The following SORCS2 variants were observed in gnomAD, a reference collection of about 807,000 sequenced individuals.
SORCS2 encodes the protein sortilin related VPS10 domain containing receptor 2.
In SORCS2, 100 loss-of-function variants were observed where a neutral mutation model predicts 141.6. The ratio of observed to expected loss-of-function variants is 0.71; its 90% CI spans 0.60 to 0.83. SORCS2 has a LOEUF of 0.83. Ranked by LOEUF, SORCS2 falls within the 40% of genes least tolerant of loss-of-function variation. The pLI is 0.00. For missense variants in SORCS2, 1,646 were observed against 1,560.2 expected (o/e 1.05, Z -0.93); for synonymous variants, 789 against 676.9 (o/e 1.17, Z -2.57).
At chr4:7,266,274 C>T (rs1714722686) in intron 1 of SORCS2, among the ~76,000 whole-genome samples, 2 of 152,308 alleles carry the variant, frequency 1.3e-5, no homozygotes, top group South Asian at 4.1e-4. Flanking sequence ...TTCAGAGTCC[C>T]TCCGTGGAAG....
At chr4:7,424,404 C>T (rs574328972) in intron 2 of SORCS2, among the ~76,000 whole-genome samples, 20 of 152,348 alleles carry the variant, frequency 1.3e-4, no homozygotes, top group African/African-American at 3.6e-4. Flanking sequence ...GGAAACATCC[C>T]GTTGTCCCTC....
chr4:7,323,062 T>G (rs1303340517), intron 1 of SORCS2, among the ~76,000 whole-genome samples: 1 of 152,254 alleles, frequency 6.6e-6, no homozygotes, highest in African/African-American at 2.4e-5. Flanking sequence ...CTTTATGAAC[T>G]GTGCATTATT....
chr4:7,568,455 T>C (rs540809122), intron 3 of SORCS2, among the ~76,000 whole-genome samples: 1 of 152,342 alleles, frequency 6.6e-6, no homozygotes, highest in South Asian at 2.1e-4. Context: ...GGCTGTGCAC[T>C]TGCGATGTGC....
chr4:7,520,174 C>T (rs1733234835), intron 2 of SORCS2, among the ~76,000 whole-genome samples: 2 of 152,220 alleles, frequency 1.3e-5, no homozygotes, highest in South Asian at 2.1e-4. Context: ...GCAGAAGTTC[C>T]CCGCCCAGCC....
chr4:7,393,123 T>A (rs1432380258), intron 1 of SORCS2, among the ~76,000 whole-genome samples: 4 of 152,142 alleles, frequency 2.6e-5, no homozygotes, highest in Non-Finnish European at 4.4e-5. Context: ...TTTGAAGTGA[T>A]GAGTGGCAGC....
rs1217172451 is a variant in SORCS2, at chr4:7,193,183, G to A, written c.480+57G>A. The A allele has an allele frequency of 9.2e-6, 13 of 1,415,148 alleles. No homozygotes were observed. The highest frequency in any genetic ancestry group is 1.9e-4 in the Middle Eastern group (1 of 5,248). 87.7% of individuals were successfully genotyped at this position (1,415,148 alleles called of 1,614,324 possible). ...CTACCCGGGACACCGCGGGACACCC[G>A]GGCGGGACCGCCACGGCCCCCACCC... On this transcript the variant is annotated intron_variant, in intron 1 of 26. Coordinates refer to ENST00000507866, the MANE Select transcript of SORCS2 (RefSeq NM_020777.3). This position sits in a 1 kb window ranked among gnomAD's most constrained non-coding sequence, Gnocchi z 4.8.
intron 1 of SORCS2, among the ~76,000 whole-genome samples, chr4:7,273,790 A>T (rs1336411590): frequency 6.6e-6 from 1 of 152,158 alleles, no homozygotes; most frequent in Non-Finnish European, 1.5e-5. Context: ...GTGGCGTTGA[A>T]CCTCAGTGTG....
At chr4:7,312,723 G>A (rs532735580) in intron 1 of SORCS2, among the ~76,000 whole-genome samples, 27 of 152,242 alleles carry the variant, frequency 1.8e-4, no homozygotes, top group African/African-American at 5.8e-4. Context: ...CAGAGTGCCC[G>A]GGGACAAGAC....
intron 1 of SORCS2, among the ~76,000 whole-genome samples, chr4:7,205,312 C>T (rs1727672849): frequency 6.6e-6 from 1 of 152,188 alleles, no homozygotes; most frequent in African/African-American, 2.4e-5. Context: ...GACTCCTGCC[C>T]ATCCCAATCC....
chr4:7,433,266 C>A, intron 2 of SORCS2: 1 of 1,335,852 alleles, frequency 7.5e-7, no homozygotes, highest in Non-Finnish European at 9.6e-7. Context: ...GGGAAAGCAC[C>A]CACCTCATGG....
At chr4:7,421,331 C>G (rs1236000818) in intron 2 of SORCS2, among the ~76,000 whole-genome samples, 1 of 152,224 alleles carries the variant, frequency 6.6e-6, no homozygotes, top group Non-Finnish European at 1.5e-5. Context: ...GCTAAGAACG[C>G]AGGCTTGTGG....
At chr4:7,737,982 C>T (rs931856722) in intron 26 of SORCS2, among the ~76,000 whole-genome samples, 24 of 152,242 alleles carry the variant, frequency 1.6e-4, no homozygotes, top group Admixed American at 5.2e-4. Context: ...CCCAGCATGG[C>T]GGCTGACTTC....
intron 18 of SORCS2, 22 bp downstream of exon 18, chr4:7,718,205 G>C: frequency 6.2e-7 from 1 of 1,603,836 alleles, no homozygotes; most frequent in East Asian, 2.2e-5. Flanking sequence ...CCTCCCAGCA[G>C]GCTCCTGGGA....
chr4:7,398,346 T>G (rs1724355635), intron 2 of SORCS2, among the ~76,000 whole-genome samples: 1 of 152,224 alleles, frequency 6.6e-6, no homozygotes, highest in African/African-American at 2.4e-5. Context: ...TCTCCATGTC[T>G]GTTAAATGGG....
intron 4 of SORCS2, among the ~76,000 whole-genome samples, chr4:7,646,517 A>C (rs1271735871): frequency 6.6e-6 from 1 of 152,156 alleles, no homozygotes; most frequent in African/African-American, 2.4e-5. Flanking sequence ...GTGGTGGTGC[A>C]CACTGATACT....
chr4:7,233,422 C>T lies in SORCS2; in HGVS notation c.480+40296C>T, dbSNP rs943310885. Among the ~76,000 whole-genome samples, 2 of 152,190 alleles carry T rather than the reference C, an allele frequency of 1.3e-5. No homozygotes were observed. Among genetic ancestry groups the T allele is most frequent in the Admixed American group, 6.5e-5 (1 of 15,288 alleles). ...GTCCTCCACAGCCTCCACAGCAGCC[C>T]GCAGGTTGCCATCCTGTTTCCATCC... On this transcript the variant is annotated intron_variant, in intron 1 of 26. Transcript: ENST00000507866. This position sits in a 1 kb window ranked among gnomAD's most constrained non-coding sequence, Gnocchi z 4.5.
intron 4 of SORCS2, among the ~76,000 whole-genome samples, chr4:7,650,970 A>G (rs937155009): frequency 2.0e-5 from 3 of 152,190 alleles, no homozygotes; most frequent in African/African-American, 7.2e-5. Context: ...TGCAGTGCGG[A>G]CCGTATTGCA....
At chr4:7,348,467 T>C (rs1720761001) in intron 1 of SORCS2, among the ~76,000 whole-genome samples, 2 of 152,186 alleles carry the variant, frequency 1.3e-5, no homozygotes, top group East Asian at 3.8e-4. Context: ...CTCCACTTTA[T>C]AGATGATGAA....
intron 1 of SORCS2, among the ~76,000 whole-genome samples, chr4:7,388,943 C>T (rs543812688): frequency 6.6e-6 from 1 of 152,180 alleles, no homozygotes; most frequent in African/African-American, 2.4e-5. Flanking sequence ...TTTAGGCATC[C>T]CTCATTTCCC....
Sources: allele counts gnomAD v4.1 joint callset (sites outside exome capture counted in the v4.1 genomes callset), GRCh38; gene constraint gnomAD v4.1.1; non-coding constraint Gnocchi (gnomAD v3.1); transcripts MANE v1.5; gene names NCBI Gene and HGNC (gene_info 2026-07-23, HGNC 2026-07-21).